The following CYRIB variants were observed in gnomAD, a reference collection of about 807,000 sequenced individuals.
CYRIB encodes CYFIP related Rac1 interactor B.
A neutral mutation model predicts 44.2 loss-of-function variants in CYRIB; 8 were observed. That is an observed-to-expected ratio of 0.18 (90% CI 0.11 to 0.33). The LOEUF is 0.33. Ranked by LOEUF, CYRIB falls within the 10% of genes least tolerant of loss-of-function variation. The probability of loss-of-function intolerance (pLI) is 1.00; values close to 1 mark genes in which losing one functional copy is unlikely to be tolerated. For missense variants in CYRIB, 185 were observed against 382.8 expected (o/e 0.48, Z 4.31); for synonymous variants, 131 against 127.2 (o/e 1.03, Z -0.20).
intron 4 of CYRIB, chr8:129,865,065 T>C (rs1269028688): frequency 1.3e-5 from 2 of 159,296 alleles, no homozygotes; most frequent in Non-Finnish European, 2.7e-5. Flanking sequence ...TCACCACTAA[T>C]ATATGTTTGT....
At chr8:129,869,008 G>A (rs1344730016) in intron 4 of CYRIB, among the ~76,000 whole-genome samples, 3 of 144,544 alleles carry the variant, frequency 2.1e-5, no homozygotes, top group African/African-American at 7.7e-5. Context: ...GACCAACTTG[G>A]CCAACAGAGC....
At chr8:129,883,359 TC>T (rs1352689999) in intron 2 of CYRIB, among the ~76,000 whole-genome samples, 1 of 151,750 alleles carries the variant, frequency 6.6e-6, no homozygotes, top group Non-Finnish European at 1.5e-5. Context: ...GGGGGCAAAA[TC>T]ACCCGACTGA....
chr8:129,942,221 C>A (rs1296651258), upstream of CYRIB, among the ~76,000 whole-genome samples: 1 of 152,182 alleles, frequency 6.6e-6, no homozygotes, highest in Non-Finnish European at 1.5e-5. Context: ...CGCCTGTAAT[C>A]CCAACTACTC....
At chr8:129,865,328 T>C (rs2052843896) in intron 4 of CYRIB, among the ~76,000 whole-genome samples, 1 of 152,216 alleles carries the variant, frequency 6.6e-6, no homozygotes, top group Admixed American at 6.5e-5. Context: ...GTGATTAATC[T>C]TACAGCTTTA....
intron 1 of CYRIB, among the ~76,000 whole-genome samples, chr8:130,008,822 A>G (rs2097160252): frequency 6.6e-6 from 1 of 152,240 alleles, no homozygotes; most frequent in African/African-American, 2.4e-5. Context: ...GGAGCAAAGC[A>G]GACATTTTAG....
chr8:129,854,145 C>A, intron 7 of CYRIB, 121 bp downstream of exon 9: 1 of 771,988 alleles, frequency 1.3e-6, no homozygotes, highest in South Asian at 1.6e-5. Context: ...TATGGCTGCC[C>A]ATAATTACTA....
At chr8:129,999,167 C>T (rs541118973) in intron 1 of CYRIB, among the ~76,000 whole-genome samples, 2 of 152,214 alleles carry the variant, frequency 1.3e-5, no homozygotes, top group Admixed American at 1.3e-4. Context: ...GGAGCAGGGA[C>T]AGAGTAGAAG....
chr8:129,962,210 C>T (rs2131780077), intron 2 of CYRIB, among the ~76,000 whole-genome samples: 1 of 151,748 alleles, frequency 6.6e-6, no homozygotes, highest in South Asian at 2.1e-4. Flanking sequence ...CGCCACTGCA[C>T]TCCAGCCTGG....
upstream of CYRIB, among the ~76,000 whole-genome samples, chr8:129,944,794 C>A (rs528652291): frequency 3.6e-3 from 545 of 150,716 alleles, 1 homozygote; most frequent in African/African-American, 0.013. Context: ...AAAAAAAAAA[C>A]AAAAACAAAA....
intron 5 of CYRIB, among the ~76,000 whole-genome samples, chr8:129,856,596 TAACA>T (rs2046318445): frequency 6.6e-6 from 1 of 152,122 alleles, no homozygotes; most frequent in East Asian, 1.9e-4. Flanking sequence ...AATGTCAGAT[TAACA>T]AACAAATATT....
intron 1 of CYRIB, among the ~76,000 whole-genome samples, chr8:129,930,365 T>TTTTATTTATATATATATATATATA (rs369665802): frequency 4.0e-5 from 2 of 50,438 alleles, no homozygotes; most frequent in African/African-American, 6.9e-5. Context: ...TGTGAAGTGC[T>TTTTATTTATATATATATATATATA]TATATATATA....
At position 129,952,417 on chromosome 8, in the gene CYRIB, C is replaced by A. The variant is rs142645517; in HGVS notation, c.-243+18526G>T. Reference sequence around the variant, plus strand: ...TGTATATGTATGTATACAATAAATACGTAATAAAGTTATATATAATAGAAT... The same window carrying A: ...TGTATATGTATGTATACAATAAATAAGTAATAAAGTTATATATAATAGAAT... On this transcript the variant is annotated intron_variant, in intron 2 of 14. Transcript: ENST00000401979. 9.4e-4 allele frequency among the ~76,000 whole-genome samples: 142 copies of A among 151,756 alleles called. 1 individual carries two copies. Among genetic ancestry groups the A allele is most frequent in the African/African-American group, 3.2e-3 (133 of 41,314 alleles).
intron 1 of CYRIB, among the ~76,000 whole-genome samples, chr8:129,936,007 G>A (rs2092726890): frequency 6.6e-6 from 1 of 152,180 alleles, no homozygotes; most frequent in Admixed American, 6.5e-5. Context: ...GCATAAGTGG[G>A]AAAGGGGTGA....
At chr8:129,894,212 G>A (rs991152761) in intron 2 of CYRIB, among the ~76,000 whole-genome samples, 1 of 152,168 alleles carries the variant, frequency 6.6e-6, no homozygotes, top group African/African-American at 2.4e-5. Context: ...AAAGGCAACT[G>A]TAACTTTAAT....
At position 129,886,677 on chromosome 8, in the gene CYRIB, T is replaced by C. The variant is rs144986484; in HGVS notation, c.-10-7206A>G. ...GGAAGGCCATCAGGTAACTTCCACG[T>C]TGCTAATTCCAGTGTCAATACTCAG... On this transcript the variant is annotated intron_variant, in intron 2 of 11. Transcript: ENST00000519824. Among the ~76,000 whole-genome samples, 257 of 152,258 alleles carry C rather than the reference T, an allele frequency of 1.7e-3. 1 individual carries two copies. The highest frequency in any genetic ancestry group is 6.0e-3 in the African/African-American group (249 of 41,546).
intron 7 of CYRIB, among the ~76,000 whole-genome samples, chr8:129,852,584 G>C (rs1323520148): frequency 1.3e-5 from 2 of 152,098 alleles, no homozygotes; most frequent in Non-Finnish European, 2.9e-5. Flanking sequence ...CCTCCATTAT[G>C]AACAATAAGT....
intron 6 of CYRIB, 72 bp downstream of exon 8, chr8:129,855,539 C>A (rs371407613): frequency 2.7e-6 from 4 of 1,476,698 alleles, no homozygotes; most frequent in East Asian, 4.6e-5. Context: ...CAATGTTTCC[C>A]GGCTCTTCCT....
chr8:129,943,336 C>G (rs2093874257), upstream of CYRIB, among the ~76,000 whole-genome samples: 1 of 151,752 alleles, frequency 6.6e-6, no homozygotes, highest in Non-Finnish European at 1.5e-5. Context: ...CCTATAATCC[C>G]AGTATTTTGG....
chr8:129,936,735 C>G (rs1175854918), intron 1 of CYRIB, among the ~76,000 whole-genome samples: 1 of 125,452 alleles, frequency 8.0e-6, no homozygotes, highest in Non-Finnish European at 1.6e-5. Flanking sequence ...GAGACGGAGT[C>G]TTGCTCTGTC....
Sources: allele counts gnomAD v4.1 joint callset (sites outside exome capture counted in the v4.1 genomes callset), GRCh38; gene constraint gnomAD v4.1.1; transcripts MANE v1.5; gene names NCBI Gene and HGNC (gene_info 2026-07-23, HGNC 2026-07-21).